MYZAP: variants seen among roughly 807,000 people sequenced by gnomAD.
MYZAP encodes the protein myocardial zonula adherens protein.
Under a neutral mutation model 69.4 loss-of-function variants are expected in MYZAP, and 66 were observed. That is an observed-to-expected ratio of 0.95 (90% CI 0.78 to 1.17). The LOEUF is 1.17. Among genes scored for constraint, MYZAP ranks in the 50% most tolerant of loss-of-function variants. The pLI is 0.00. For missense variants in MYZAP, 611 were observed against 556.2 expected, an observed-to-expected ratio of 1.10 and a Z score of -0.99; for synonymous variants, 256 against 205.9, an observed-to-expected ratio of 1.24 and a Z score of -2.09.
intron 2 of MYZAP, among the ~76,000 whole-genome samples, chr15:57,613,447 T>C (rs1351628894): frequency 1.3e-5 from 2 of 152,174 alleles, no homozygotes; most frequent in Admixed American, 1.3e-4. Flanking sequence ...CACAGCTTAC[T>C]GTAGCCTCAA....
At chr15:57,673,856 G>T (rs1164372981) in intron 11 of MYZAP, among the ~76,000 whole-genome samples, 1 of 152,122 alleles carries the variant, frequency 6.6e-6, no homozygotes, top group African/African-American at 2.4e-5. Context: ...TAGTGCCTCA[G>T]CTTCAGCTCC....
At chr15:57,615,558 A>G (rs1442450413) in intron 2 of MYZAP, among the ~76,000 whole-genome samples, 1 of 152,222 alleles carries the variant, frequency 6.6e-6, no homozygotes, top group Non-Finnish European at 1.5e-5. Context: ...AATGCATTTC[A>G]CCAAAGCCTT....
At chr15:57,620,444 G>A (rs1471672126) in intron 3 of MYZAP, among the ~76,000 whole-genome samples, 1 of 152,158 alleles carries the variant, frequency 6.6e-6, no homozygotes, top group African/African-American at 2.4e-5. Context: ...CTATTTGAGG[G>A]TTCCTGAGTA....
chr15:57,669,636 T>C (rs1198854277), intron 11 of MYZAP, among the ~76,000 whole-genome samples: 2 of 152,196 alleles, frequency 1.3e-5, no homozygotes, highest in Admixed American at 1.3e-4. Flanking sequence ...TTCTATTTTA[T>C]TGACTTTTGC....
At chr15:57,599,807 G>T in intron 1 of MYZAP, 1 of 818,460 alleles carries the variant, frequency 1.2e-6, no homozygotes, top group Non-Finnish European at 1.8e-6. Context: ...CAACTTTATG[G>T]GTGGTTCAGG....
intron 10 of MYZAP, among the ~76,000 whole-genome samples, chr15:57,641,616 G>T (rs937369854): frequency 3.9e-5 from 6 of 152,132 alleles, no homozygotes; most frequent in African/African-American, 1.4e-4. Context: ...CTAGGGGCTG[G>T]CTGGGTTTCC....
intron 5 of MYZAP, among the ~76,000 whole-genome samples, chr15:57,627,329 G>C (rs2036197269): frequency 1.5e-5 from 2 of 136,786 alleles, no homozygotes; most frequent in South Asian, 2.5e-4. Flanking sequence ...GAGCCTTATA[G>C]CTAAAACCGC....
At chr15:57,631,776 G>A (rs1442485864) in intron 6 of MYZAP, among the ~76,000 whole-genome samples, 2 of 152,196 alleles carry the variant, frequency 1.3e-5, no homozygotes, top group African/African-American at 2.4e-5. Context: ...CCAGAGTTTA[G>A]GTATGCAGCA....
At chr15:57,675,582 C>A (rs1463893977) in intron 12 of MYZAP, among the ~76,000 whole-genome samples, 1 of 152,162 alleles carries the variant, frequency 6.6e-6, no homozygotes, top group Non-Finnish European at 1.5e-5. Context: ...TATTGTCAAG[C>A]ACTGGATCCA....
rs567831382 is a variant in MYZAP at position 57,661,354 on chromosome 15, A to T, written c.1120-96A>T. 7.5e-6 allele frequency: 7 copies of T among 933,090 alleles called. No individual in the cohort carries two copies. The East Asian group carries it at 1.6e-4, about 21-fold the overall frequency. 57.8% of individuals were successfully genotyped at this position (933,090 alleles called of 1,614,324 possible). A position where few individuals can be genotyped will look rare whatever the true frequency, so the allele number is the denominator to read the frequency against. ...AGGAAAAATAGAAATAGAAATAAAA[A>T]TAAATGAAAACCAAGGGCATCTATT... On this transcript the variant is annotated intron_variant, in intron 10 of 12. Coordinates refer to ENST00000267853, the MANE Select transcript of MYZAP (RefSeq NM_001018100.5).
chr15:57,675,488 G>A (rs959078563), intron 12 of MYZAP, among the ~76,000 whole-genome samples: 2 of 152,162 alleles, frequency 1.3e-5, no homozygotes, highest in South Asian at 2.1e-4. Context: ...TGTGAGAGGG[G>A]CATCCGAGGT....
intron 10 of MYZAP, among the ~76,000 whole-genome samples, chr15:57,640,377 G>C (rs1192873355): frequency 6.6e-6 from 1 of 151,936 alleles, no homozygotes; most frequent in Non-Finnish European, 1.5e-5. Flanking sequence ...GTACTAACAG[G>C]GTTATAAGAA....
intron 11 of MYZAP, among the ~76,000 whole-genome samples, chr15:57,674,101 A>G (rs1243002525): frequency 6.6e-6 from 1 of 152,216 alleles, no homozygotes; most frequent in Non-Finnish European, 1.5e-5. Flanking sequence ...CAGAATCTCA[A>G]TACGCAGACA....
intron 2 of MYZAP, among the ~76,000 whole-genome samples, chr15:57,608,149 A>C (rs1487074972): frequency 6.6e-6 from 1 of 152,204 alleles, no homozygotes; most frequent in Admixed American, 6.5e-5. Flanking sequence ...AAGGATTTCC[A>C]GGGCCCTGTT....
At chr15:57,645,265 C>T (rs1015611281) in intron 10 of MYZAP, among the ~76,000 whole-genome samples, 11 of 152,102 alleles carry the variant, frequency 7.2e-5, no homozygotes, top group Non-Finnish European at 1.3e-4. Flanking sequence ...GCAGCAGTTC[C>T]TTGGGGGAAA....
chr15:57,597,817 C>A lies in MYZAP; in HGVS notation c.75+5708C>A, dbSNP rs554960566. 5.0e-4 allele frequency among the ~76,000 whole-genome samples: 76 copies of A among 152,344 alleles called. 3 individuals carry two copies. The South Asian group carries it at 7.0e-3, about 14-fold the overall frequency. ...CCACAGCAGAGCCAAGAGGTCTAAT[C>A]TAGATGGGGCATACACTGTTCCGCA... On this transcript the variant is annotated intron_variant, in intron 1 of 12. Coordinates refer to ENST00000267853, the MANE Select transcript of MYZAP (RefSeq NM_001018100.5).
At chr15:57,600,587 C>T (rs1021289478) in intron 1 of MYZAP, among the ~76,000 whole-genome samples, 4 of 152,054 alleles carry the variant, frequency 2.6e-5, no homozygotes, top group Admixed American at 6.5e-5. Context: ...AGTGATTGGA[C>T]CCATGGGACC....
At chr15:57,671,250 A>G (rs2038852373) in intron 11 of MYZAP, among the ~76,000 whole-genome samples, 1 of 152,106 alleles carries the variant, frequency 6.6e-6, no homozygotes, top group South Asian at 2.1e-4. Context: ...TCTGGGTTCC[A>G]TGGTTTTTAA....
At chr15:57,629,577 G>T in intron 5 of MYZAP, 125 bp from the exon 6 acceptor site, 11 of 1,299,484 alleles carry the variant, frequency 8.5e-6, no homozygotes, top group Non-Finnish European at 1.1e-5. Context: ...TCCCAGACTG[G>T]CAGTTGCTGT....
Sources: allele counts gnomAD v4.1 joint callset (sites outside exome capture counted in the v4.1 genomes callset), GRCh38; gene constraint gnomAD v4.1.1; transcripts MANE v1.5; gene names NCBI Gene and HGNC (gene_info 2026-07-23, HGNC 2026-07-21).